The following MYO9A variants were observed in gnomAD, a reference collection of about 807,000 sequenced individuals.
MYO9A encodes the protein unconventional myosin-IXa.
In MYO9A, 103 loss-of-function variants were observed where a neutral mutation model predicts 293.3. The observed-to-expected ratio is 0.35, with a 90% CI of 0.30 to 0.41. The LOEUF (loss-of-function observed/expected upper bound fraction) is 0.41. Among genes scored for constraint, MYO9A ranks in the 10% least tolerant of loss-of-function variants. The pLI, the probability that MYO9A is intolerant of heterozygous loss-of-function variation, is 1.00. For missense variants in MYO9A, 2,685 were observed against 3,033.0 expected (o/e 0.89, Z 2.69); for synonymous variants, 1,001 against 1,035.7 (o/e 0.97, Z 0.64).
intron 39 of MYO9A, among the ~76,000 whole-genome samples, chr15:71,845,590 G>A (rs2055350398): frequency 6.6e-6 from 1 of 152,140 alleles, no homozygotes; most frequent in Non-Finnish European, 1.5e-5. Flanking sequence ...AAGCAATTGT[G>A]GGTTCAACTG....
chr15:71,965,201 T>C lies in MYO9A; in HGVS notation c.1986+2783A>G, dbSNP rs533102159. Among the ~76,000 whole-genome samples the C allele has an allele frequency of 2.6e-5, 4 of 152,026 alleles. No homozygotes were observed. The South Asian group carries it at 8.3e-4, about 31-fold the overall frequency. ...AAGAGTTTTGCTTAGTTTCTAAATA[T>C]CCAATGATTTTCTAAGTTATCCTTA... On this transcript the variant is annotated intron_variant, in intron 13 of 41. Coordinates refer to ENST00000356056, the MANE Select transcript of MYO9A (RefSeq NM_006901.4).
At chr15:72,015,005 T>C (rs1382543096) in intron 6 of MYO9A, among the ~76,000 whole-genome samples, 2 of 129,970 alleles carry the variant, frequency 1.5e-5, no homozygotes, top group Non-Finnish European at 3.4e-5. Context: ...CACCACGCCC[T>C]GCTAATTTTT....
intron 4 of MYO9A, among the ~76,000 whole-genome samples, chr15:72,025,284 C>A (rs1596405728): frequency 6.6e-6 from 1 of 152,018 alleles, no homozygotes; most frequent in African/African-American, 2.4e-5. Flanking sequence ...ACAAAAGGGC[C>A]AATCCATCAA....
chr15:72,095,487 C>G lies in MYO9A; in HGVS notation c.-72+22193G>C, dbSNP rs576486518. Among the ~76,000 whole-genome samples, 7 of 92,962 alleles carry G rather than the reference C, an allele frequency of 7.5e-5. 2 individuals are homozygous for G. Among genetic ancestry groups the G allele is most frequent in the African/African-American group, 1.3e-4 (5 of 39,208 alleles). The allele number at this position is 92,962 out of a possible 152,430, so 61.0% of individuals were successfully genotyped here. ...TTAAGGAAAGAAGCCGCCTCCACAA[C>G]ATAAAAGTGCAAGGTAAAGCAGCAA... On this transcript the variant is annotated intron_variant, in intron 1 of 41. Coordinates refer to ENST00000356056, the MANE Select transcript of MYO9A (RefSeq NM_006901.4).
chr15:72,039,629 G>C (rs2078165274), intron 2 of MYO9A, among the ~76,000 whole-genome samples: 1 of 151,572 alleles, frequency 6.6e-6, no homozygotes, highest in Non-Finnish European at 1.5e-5. Context: ...TCAAGTTCAA[G>C]ACCAGCCTGG....
At chr15:71,913,404 C>T (rs1458680127) in intron 19 of MYO9A, among the ~76,000 whole-genome samples, 1 of 152,162 alleles carries the variant, frequency 6.6e-6, no homozygotes, top group East Asian at 1.9e-4. Context: ...ACAACTCCAT[C>T]TCCTGAGAAA....
chr15:71,985,737 T>G (rs771668317), intron 11 of MYO9A, among the ~76,000 whole-genome samples: 2 of 152,196 alleles, frequency 1.3e-5, no homozygotes, highest in Non-Finnish European at 2.9e-5. Context: ...CTAGGCCCTG[T>G]AAAACTTATT....
At chr15:71,931,154 T>A (rs1223526106) in intron 18 of MYO9A, among the ~76,000 whole-genome samples, 1 of 152,194 alleles carries the variant, frequency 6.6e-6, no homozygotes, top group Non-Finnish European at 1.5e-5. Context: ...GTGTACTTAC[T>A]TTTATCAGTG....
In MYO9A at chr15:72,071,269, C is replaced by T. The variant is rs138748015; in HGVS notation, c.-71-24635G>A. On this transcript the variant is annotated intron_variant, in intron 1 of 41. Transcript: ENST00000356056. ...ACGGCACTTCTCAAAAGATGACATA[C>T]AAGCAGCCAACAAATATGAAAAAAA... is the stretch of plus-strand genomic sequence containing the variant. 7.9e-4 allele frequency among the ~76,000 whole-genome samples: 120 copies of T among 152,120 alleles called. 4 individuals carry two copies. In the East Asian group the frequency reaches 0.016, roughly 20 times the overall value.
Position 72,101,756 on chromosome 15 carries a change from G to A in MYO9A, c.-72+15924C>T, listed in dbSNP as rs1235047491. 1.6e-3 allele frequency among the ~76,000 whole-genome samples: 220 copies of A among 138,680 alleles called. 1 individual carries two copies. Among genetic ancestry groups the A allele is most frequent in the African/African-American group, 5.3e-3 (199 of 37,416 alleles). 91.0% of individuals were successfully genotyped at this position (138,680 alleles called of 152,430 possible). ...AGGTGAGGGGCGCCTCTGCCCGGCC[G>A]CCCCTACTGGGAAGTGAGGAGCCCC... On this transcript the variant is annotated intron_variant, in intron 1 of 41. Coordinates refer to ENST00000356056, the MANE Select transcript of MYO9A (RefSeq NM_006901.4).
chr15:72,077,750 AAAATATATAT>A (rs71133953), intron 1 of MYO9A, among the ~76,000 whole-genome samples: 11,567 of 44,702 alleles, frequency 0.26, 405 homozygotes, highest in Non-Finnish European at 0.32. Flanking sequence ...AAAAAAAAAA[AAAATATATAT>A]ATATATATAT....
chr15:72,102,638 AAAATTCAGT>A (rs1196212568), intron 1 of MYO9A, among the ~76,000 whole-genome samples: 2 of 152,182 alleles, frequency 1.3e-5, no homozygotes, highest in Non-Finnish European at 2.9e-5. Flanking sequence ...AAAATCCAAG[AAAATTCAGT>A]AGTTATACAC....
At chr15:72,012,983 T>A (rs543290297) in intron 6 of MYO9A, among the ~76,000 whole-genome samples, 1 of 152,340 alleles carries the variant, frequency 6.6e-6, no homozygotes, top group Admixed American at 6.5e-5. Context: ...TGTGTATTAA[T>A]TTCCTTCTCT....
At chr15:71,853,814 A>T (rs2055756599) in intron 35 of MYO9A, among the ~76,000 whole-genome samples, 1 of 152,228 alleles carries the variant, frequency 6.6e-6, no homozygotes, top group Admixed American at 6.5e-5. Context: ...GCAGGCAAGA[A>T]GATGATACAC....
At chr15:72,032,841 TTTATG>T (rs1364969833) in intron 2 of MYO9A, among the ~76,000 whole-genome samples, 2 of 152,038 alleles carry the variant, frequency 1.3e-5, no homozygotes, top group Admixed American at 6.6e-5. Context: ...ATAATTTTAT[TTTATG>T]TTATTTATTT....
chr15:72,028,218 A>AATAAATATATATAT (rs1555408276), intron 3 of MYO9A, among the ~76,000 whole-genome samples: 2 of 134,256 alleles, frequency 1.5e-5, no homozygotes, highest in African/African-American at 5.5e-5. Flanking sequence ...TAAATAAATA[A>AATAAATATATATAT]ATATATATAT....
chr15:71,994,802 G>A (rs1198439082), intron 9 of MYO9A, among the ~76,000 whole-genome samples: 3 of 152,158 alleles, frequency 2.0e-5, no homozygotes, highest in East Asian at 1.9e-4. Context: ...GTGCAATCTC[G>A]GCTCATGGCA....
chr15:71,904,036 G>A lies in MYO9A; in HGVS notation c.2770C>T (p.Pro924Ser). Residue 924 changes from proline to serine, a missense_variant, in exon 21 of 42, where the codon CCC (proline) becomes TCC (serine). Physicochemically the swap from Pro to Ser is moderately conservative, Grantham distance 74 (BLOSUM62 -1). Around this residue, in one of 10 missense-constraint regions of MYO9A, gnomAD observed 1,434 missense variants for 1,497.7 expected, o/e 0.96. Transcript: ENST00000356056. ...KCIRSNAEKL[P>S]LRFSDVLVLR... The stretch of plus-strand genomic sequence containing the variant: ...ACCAAGACATCACTGAACCTTAAGG[G>A]CAGCTAAAGCAAATGGAAAAAAGAT... 1 of 1,611,884 alleles carries A rather than the reference G, an allele frequency of 6.2e-7. No individual in the cohort carries two copies. Among genetic ancestry groups the A allele is most frequent in the Non-Finnish European group, 8.5e-7 (1 of 1,178,638 alleles).
rs772499620 is a variant in MYO9A at position 71,994,478 on chromosome 15, A to G, written c.1578T>C (p.His526=). Residue 526 remains histidine, a synonymous_variant, in exon 10 of 42, where the codon CAT becomes CAC. Transcript: ENST00000356056. ...HALLNSKDLE[H]NTKTLSIGVL... is the part of the protein sequence containing the mutation. ...TCCAATATATCATTACCTTGGTATT[A>G]TGCTCTAAATCTTTACTATTCAGAA... 1.1e-5 allele frequency: 17 copies of G among 1,573,808 alleles called. No homozygotes were observed. Among genetic ancestry groups the G allele is most frequent in the Non-Finnish European group, 1.5e-5 (17 of 1,155,366 alleles).
Sources: allele counts gnomAD v4.1 joint callset (sites outside exome capture counted in the v4.1 genomes callset), GRCh38; gene constraint gnomAD v4.1.1; regional missense constraint gnomAD v4.1.1; transcripts MANE v1.5; gene names NCBI Gene and HGNC (gene_info 2026-07-23, HGNC 2026-07-21).